The following TNS1 variants were observed in gnomAD, a reference collection of about 807,000 sequenced individuals.
The protein encoded by TNS1 is tensin 1, also known as tensin-1.
Under a neutral mutation model 168.6 loss-of-function variants are expected in TNS1, and 62 were observed. The observed-to-expected ratio is 0.37, with a 90% CI of 0.30 to 0.45. The LOEUF (loss-of-function observed/expected upper bound fraction) is 0.45. Ranked by LOEUF, TNS1 falls within the 20% of genes least tolerant of loss-of-function variation. TNS1 has a pLI of 1.00. For synonymous variants in TNS1, 934 were observed against 933.2 expected (o/e 1.00, Z -0.02); for missense variants, 2,240 against 2,339.4 (o/e 0.96, Z 0.88).
At chr2:217,930,668 C>T (rs4672861) in intron 3 of TNS1, among the ~76,000 whole-genome samples, 14,477 of 152,144 alleles carry the variant, frequency 0.095, 1,270 homozygotes, top group East Asian at 0.29. Flanking sequence ...AGAGGGGATC[C>T]GAGGAACATA....
intron 32 of TNS1, among the ~76,000 whole-genome samples, chr2:217,806,772 C>T (rs1212568903): frequency 6.6e-6 from 1 of 152,224 alleles, no homozygotes; most frequent in African/African-American, 2.4e-5. Flanking sequence ...TTCTCACTAG[C>T]CTCCTCCTGC....
At chr2:217,971,730 G>A (rs921933359) in intron 3 of TNS1, among the ~76,000 whole-genome samples, 7 of 152,172 alleles carry the variant, frequency 4.6e-5, no homozygotes, top group South Asian at 2.1e-4. Context: ...AGGTCAGGTC[G>A]TAGCCAAAAC....
chr2:217,891,471 G>T (rs1187763377), intron 11 of TNS1, among the ~76,000 whole-genome samples: 1 of 152,112 alleles, frequency 6.6e-6, no homozygotes, highest in Non-Finnish European at 1.5e-5. Flanking sequence ...CACACAGTAG[G>T]GGTACAGGAG....
At chr2:217,943,875 G>C (rs574627289) in intron 3 of TNS1, 1 of 152,906 alleles carries the variant, frequency 6.5e-6, no homozygotes, top group South Asian at 2.1e-4. Context: ...CTTTCCTGCA[G>C]AGGAGCCACT....
At chr2:217,943,257 G>C (rs1166446794) in intron 3 of TNS1, among the ~76,000 whole-genome samples, 1 of 152,178 alleles carries the variant, frequency 6.6e-6, no homozygotes, top group African/African-American at 2.4e-5. Context: ...ACACTGAGGA[G>C]TGGAGATGGG....
At chr2:217,891,238 TC>T (rs977478818) in intron 11 of TNS1, among the ~76,000 whole-genome samples, 193 bp from the exon 12 acceptor site, 1 of 152,178 alleles carries the variant, frequency 6.6e-6, no homozygotes, top group Non-Finnish European at 1.5e-5. Flanking sequence ...TCAGCATCTC[TC>T]CAACTGTGCA....
intron 3 of TNS1, among the ~76,000 whole-genome samples, chr2:217,963,030 A>G (rs1957537740): frequency 6.6e-6 from 1 of 152,212 alleles, no homozygotes; most frequent in Admixed American, 6.5e-5. Flanking sequence ...ATTTTTGCAA[A>G]TTTTGTGTAA....
At position 218,021,915 on chromosome 2, in the gene TNS1, G is replaced by C. The variant is rs1574483348; in HGVS notation, c.156+11905C>G. Reference sequence around the variant, plus strand: ...ATCAGCAGGCTGGCCAGGGTGAAGGGGCACCGTGGCTGAGGCTGAGGAGTA... The same window carrying C: ...ATCAGCAGGCTGGCCAGGGTGAAGGCGCACCGTGGCTGAGGCTGAGGAGTA... On this transcript the variant is annotated intron_variant, in intron 1 of 1. Coordinates refer to the TNS1 transcript ENST00000649572. Among the ~76,000 whole-genome samples, 4 of 152,352 alleles carry C rather than the reference G, an allele frequency of 2.6e-5. 1 individual carries two copies. The Middle Eastern group carries it at 0.014, about 518-fold the overall frequency.
intron 18 of TNS1, among the ~76,000 whole-genome samples, chr2:217,860,428 A>G (rs1948672692): frequency 6.6e-6 from 1 of 152,172 alleles, no homozygotes; most frequent in Admixed American, 6.5e-5. Context: ...GAGGGGTTCT[A>G]TGCCTCAGGC....
intron 21 of TNS1, among the ~76,000 whole-genome samples, chr2:217,832,737 C>T (rs961744175): frequency 7.2e-5 from 11 of 152,238 alleles, no homozygotes; most frequent in African/African-American, 2.4e-4. Flanking sequence ...CCCACATGCA[C>T]GTGGGAACAG....
intron 18 of TNS1, among the ~76,000 whole-genome samples, chr2:217,854,101 G>A (rs1434600125): frequency 1.3e-5 from 2 of 152,210 alleles, no homozygotes; most frequent in Non-Finnish European, 2.9e-5. Flanking sequence ...GTGGGGCCAG[G>A]AATCTGCATT....
Position 217,808,063 on chromosome 2 carries a change from A to G in TNS1, c.5375+12T>C, listed in dbSNP as rs1939532690. On this transcript the variant is annotated intron_variant, in intron 32 of 32. Transcript: ENST00000682258. The stretch of plus-strand genomic sequence containing the variant: ...GCCAGCCTGCTGGGCAGGGGTAAGA[A>G]GTCACACTTACTTAGCAGGGGCACC... The G allele has an allele frequency of 6.2e-7, 1 of 1,613,240 alleles. No individual in the cohort carries two copies. The highest frequency in any genetic ancestry group is 8.5e-7 in the Non-Finnish European group (1 of 1,179,964).
chr2:217,857,718 C>T (rs751739315), intron 18 of TNS1, among the ~76,000 whole-genome samples: 10 of 152,208 alleles, frequency 6.6e-5, no homozygotes, highest in Non-Finnish European at 1.3e-4. Context: ...GGATGGCCCA[C>T]GCCTGCAGGG....
At chr2:217,997,611 A>G (rs1213609592) in intron 1 of TNS1, among the ~76,000 whole-genome samples, 1 of 152,194 alleles carries the variant, frequency 6.6e-6, no homozygotes, top group Admixed American at 6.5e-5. Context: ...CTTTGAGCCT[A>G]CAGCAGTACT....
chr2:217,818,259 T>C lies in TNS1; in HGVS notation c.4073A>G (p.Tyr1358Cys), dbSNP rs146194928. Residue 1358 changes from tyrosine to cysteine, a missense_variant, in exon 24 of 33, where the codon TAC (tyrosine) becomes TGC (cysteine). Coordinates refer to ENST00000682258, the MANE Select transcript of TNS1 (RefSeq NM_001387777.1). The part of the protein sequence containing the change: ...PSLCRHPAGV[Y>C]QVSGLHNKVA... ...TTTGTTGTGGAGGCCAGAAACCTGGTAGACCCCTGCTGGGTGCCGACACAG... is the reference window on the plus strand; with the variant it reads ...TTTGTTGTGGAGGCCAGAAACCTGGCAGACCCCTGCTGGGTGCCGACACAG... The C allele has an allele frequency of 7.4e-6, 12 of 1,613,556 alleles. No individual in the cohort carries two copies. The African/African-American group carries it at 1.5e-4, about 20-fold the overall frequency.
At chr2:218,020,674 G>T (rs550646725) in intron 1 of TNS1, among the ~76,000 whole-genome samples, 1 of 152,206 alleles carries the variant, frequency 6.6e-6, no homozygotes, top group Non-Finnish European at 1.5e-5. Flanking sequence ...GACCCTGGGG[G>T]TTCTGAGTTA....
intron 3 of TNS1, among the ~76,000 whole-genome samples, chr2:217,920,864 T>G (rs1955639340): frequency 6.6e-6 from 1 of 152,136 alleles, no homozygotes; most frequent in South Asian, 2.1e-4. Context: ...AAGCACTCTC[T>G]GGGAGTGAGC....
chr2:217,868,020 G>A (rs1301020304), intron 18 of TNS1, among the ~76,000 whole-genome samples: 2 of 152,230 alleles, frequency 1.3e-5, no homozygotes, highest in Non-Finnish European at 2.9e-5. Context: ...TGGAACCGCC[G>A]CATGGCAGGG....
intron 18 of TNS1, among the ~76,000 whole-genome samples, chr2:217,871,743 T>G (rs1949793632): frequency 6.6e-6 from 1 of 152,222 alleles, no homozygotes; most frequent in South Asian, 2.1e-4. Context: ...CACTCTCCCA[T>G]CCGGCCTGGG....
Sources: allele counts gnomAD v4.1 joint callset (sites outside exome capture counted in the v4.1 genomes callset), GRCh38; gene constraint gnomAD v4.1.1; transcripts MANE v1.5; gene names NCBI Gene and HGNC (gene_info 2026-07-23, HGNC 2026-07-21).